The following MAP3K21 variants were observed in gnomAD, a reference collection of about 807,000 sequenced individuals.
MAP3K21 encodes the protein mitogen-activated protein kinase kinase kinase MLK4.
In MAP3K21, 63 loss-of-function variants were observed where a neutral mutation model predicts 86.1. The ratio of observed to expected loss-of-function variants is 0.73; its 90% CI spans 0.60 to 0.90. The LOEUF (loss-of-function observed/expected upper bound fraction) is 0.90, where lower values mean the gene tolerates loss of function less well. Among genes scored for constraint, MAP3K21 ranks in the 40% least tolerant of loss-of-function variants. MAP3K21 has a pLI of 0.00. For synonymous variants in MAP3K21, 558 were observed against 564.8 expected (o/e 0.99, Z 0.17); for missense variants, 1,220 against 1,367.7 (o/e 0.89, Z 1.70).
intron 2 of MAP3K21, among the ~76,000 whole-genome samples, chr1:233,351,636 G>T (rs1208348579): frequency 6.6e-6 from 1 of 151,066 alleles, no homozygotes; most frequent in Non-Finnish European, 1.5e-5. Context: ...GGCGGAGGTT[G>T]CAGTGAGCTG....
intron 2 of MAP3K21, among the ~76,000 whole-genome samples, chr1:233,349,975 A>G (rs116482568): frequency 0.015 from 2,210 of 151,876 alleles, 56 homozygotes; most frequent in African/African-American, 0.049. Flanking sequence ...AAATACAGAA[A>G]TGGTCCTCTG....
chr1:233,343,542 AG>A (rs1292134137), intron 1 of MAP3K21, among the ~76,000 whole-genome samples: 3 of 152,220 alleles, frequency 2.0e-5, no homozygotes, highest in Non-Finnish European at 4.4e-5. Flanking sequence ...GGAAATCAAA[AG>A]GGAGGAGAAT....
In MAP3K21 at chr1:233,327,921, T is replaced by C. The variant is rs964154907; in HGVS notation, c.-108T>C. The C allele has an allele frequency of 7.4e-5, 66 of 890,336 alleles. No individual in the cohort carries two copies. In the East Asian group the frequency reaches 2.3e-3, roughly 31 times the overall value. 55.2% of individuals were successfully genotyped at this position (890,336 alleles called of 1,614,324 possible). On this transcript the variant is annotated 5_prime_UTR_variant, in exon 1 of 10. Coordinates refer to ENST00000366624, the MANE Select transcript of MAP3K21 (RefSeq NM_032435.3). ...GTCACCGATCGCGATTCCTACCCCCTCGCCTTCCCCCGGCGCCGACGGCCA... is the reference window on the plus strand; with the variant it reads ...GTCACCGATCGCGATTCCTACCCCCCCGCCTTCCCCCGGCGCCGACGGCCA...
chr1:233,382,441 T>A lies in MAP3K21; in HGVS notation c.2841T>A (p.Pro947=), dbSNP rs759205713. The A allele has an allele frequency of 3.3e-5, 54 of 1,614,014 alleles. No homozygotes were observed. The highest frequency in any genetic ancestry group is 4.1e-5 in the Non-Finnish European group (48 of 1,180,026). The change falls in exon 10 of 10, where the codon CCT becomes CCA. Residue 947 remains proline, a synonymous_variant. Transcript: ENST00000366624. The part of the protein sequence containing the change: ...STVHIVPQRR[P]ASLRSRSDLP... ...TCCACATCGTGCCTCAGCGTCGCCC[T>A]GCCTCCCTGAGAAGCCGCTCAGATC...
intron 4 of MAP3K21, among the ~76,000 whole-genome samples, chr1:233,356,860 C>T (rs1227100018): frequency 6.6e-6 from 1 of 152,150 alleles, no homozygotes; most frequent in Non-Finnish European, 1.5e-5. Context: ...TTGATAGAAA[C>T]AGTTAAGTTC....
chr1:233,345,155 A>G (rs554416169), intron 1 of MAP3K21, among the ~76,000 whole-genome samples: 1 of 152,344 alleles, frequency 6.6e-6, no homozygotes, highest in South Asian at 2.1e-4. Context: ...TGGTTCAACC[A>G]TTGTGGAAGA....
At chr1:233,335,486 C>T (rs1662894532) in intron 1 of MAP3K21, among the ~76,000 whole-genome samples, 1 of 151,882 alleles carries the variant, frequency 6.6e-6, no homozygotes, top group African/African-American at 2.4e-5. Flanking sequence ...ATTTATTTGT[C>T]ACTACAACCT....
rs763094656 is a variant in MAP3K21, at chr1:233,379,487, C to T, written c.2481C>T (p.Val827=). ...ATCCACTGGTGGACAGTGCACCTGTCACTTGTGACTCTGAGATGCTCACTC... is the reference window on the plus strand; with the variant it reads ...ATCCACTGGTGGACAGTGCACCTGTTACTTGTGACTCTGAGATGCTCACTC... ...SEDPLVDSAP[V]TCDSEMLTPD... Residue 827 remains valine, a synonymous_variant, in exon 9 of 10, where the codon GTC becomes GTT. Coordinates refer to ENST00000366624, the MANE Select transcript of MAP3K21 (RefSeq NM_032435.3). 6.2e-7 allele frequency: 1 copy of T among 1,614,196 alleles called. No homozygotes were observed. The highest frequency in any genetic ancestry group is 1.1e-5 in the South Asian group (1 of 91,082).
chr1:233,330,627 A>G (rs1345089176), intron 1 of MAP3K21, among the ~76,000 whole-genome samples: 1 of 152,188 alleles, frequency 6.6e-6, no homozygotes, highest in East Asian at 1.9e-4. Context: ...GCCTCTTGGC[A>G]GTTGCAGCAA....
At chr1:233,374,071 A>G (rs1358933157) in intron 6 of MAP3K21, 1 of 152,222 alleles carries the variant, frequency 6.6e-6, no homozygotes. Context: ...CACTTAAATG[A>G]AAACTGCTGA....
intron 1 of MAP3K21, among the ~76,000 whole-genome samples, chr1:233,344,550 T>C (rs10910130): frequency 0.43 from 65,366 of 151,922 alleles, 15,295 homozygotes; most frequent in East Asian, 0.57. Flanking sequence ...GAAACTGGAT[T>C]CCTTCCTTAC....
intron 1 of MAP3K21, among the ~76,000 whole-genome samples, chr1:233,340,205 C>T (rs1431632849): frequency 6.6e-6 from 1 of 152,132 alleles, no homozygotes; most frequent in East Asian, 1.9e-4. Flanking sequence ...AATATTGGAG[C>T]AGGAAGTGTC....
chr1:233,367,878 A>ATGTTTTCT (rs1663609367), intron 5 of MAP3K21, among the ~76,000 whole-genome samples: 1 of 151,354 alleles, frequency 6.6e-6, no homozygotes, highest in Non-Finnish European at 1.5e-5. Flanking sequence ...AAAAAAAAGA[A>ATGTTTTCT]TGTTTTCTTT....
At chr1:233,361,851 C>T (rs910245576) in intron 4 of MAP3K21, among the ~76,000 whole-genome samples, 4 of 152,164 alleles carry the variant, frequency 2.6e-5, no homozygotes, top group Admixed American at 1.3e-4. Context: ...GAAAAGGTTT[C>T]GGCTTGGATT....
chr1:233,328,063 C>T lies in MAP3K21; in HGVS notation c.35C>T (p.Thr12Ile). ...CGGGGCGCCGCGGGAGCGACCGACA[C>T]CCCGGTGTCCTCGGCCGGGGGAGCC... The part of the protein sequence containing the change: ...ALRGAAGATD[T>I]PVSSAGGAPG... The change falls in exon 1 of 10, where the codon ACC becomes ATC. Residue 12 changes from threonine to isoleucine, a missense_variant. By Grantham distance (89) the Thr-to-Ile change is moderately conservative. Around this residue, in one of 5 missense-constraint regions of MAP3K21, gnomAD observed 369 missense variants for 385.3 expected, o/e 0.96. Transcript: ENST00000366624. This position sits in a 1 kb window ranked among gnomAD's most constrained non-coding sequence, Gnocchi z 8.7. 2.2e-6 allele frequency: 3 copies of T among 1,339,926 alleles called. No homozygotes were observed. The highest frequency in any genetic ancestry group is 2.9e-6 in the Non-Finnish European group (3 of 1,052,424). 83.0% of individuals were successfully genotyped at this position (1,339,926 alleles called of 1,614,324 possible).
At chr1:233,363,031 C>T (rs1325547544) in intron 5 of MAP3K21, among the ~76,000 whole-genome samples, 1 of 152,046 alleles carries the variant, frequency 6.6e-6, no homozygotes, top group Non-Finnish European at 1.5e-5. Context: ...ATTATATATT[C>T]TACTTGTTGT....
rs183276270 is a variant in MAP3K21, at chr1:233,342,799, C to T, written c.806-3643C>T. ...TGATTTCCTTCCTCCCTGCCTCTCT[C>T]ACCCTCCTTTTCTCCATCCCTCCCC... On this transcript the variant is annotated intron_variant, in intron 1 of 9. Transcript: ENST00000366624. Among the ~76,000 whole-genome samples the T allele has an allele frequency of 4.8e-3, 733 of 152,024 alleles. 5 individuals are homozygous for T. The highest frequency in any genetic ancestry group is 6.7e-3 in the Non-Finnish European group (458 of 68,026).
At chr1:233,349,086 G>T (rs1663200569) in intron 2 of MAP3K21, among the ~76,000 whole-genome samples, 1 of 152,160 alleles carries the variant, frequency 6.6e-6, no homozygotes, top group Non-Finnish European at 1.5e-5. Context: ...GGGTTCTATA[G>T]TGTCTTAGGG....
intron 5 of MAP3K21, among the ~76,000 whole-genome samples, chr1:233,367,912 T>G (rs183932758): frequency 2.0e-5 from 3 of 152,184 alleles, no homozygotes; most frequent in African/African-American, 7.2e-5. Flanking sequence ...AAAGTATGCT[T>G]TTCAAGTGGA....
Sources: gnomAD v4.1 joint callset for allele counts (sites outside exome capture counted in the v4.1 genomes callset) on GRCh38, gnomAD v4.1.1 for gene constraint, gnomAD v4.1.1 regional missense constraint, Gnocchi (gnomAD v3.1) non-coding constraint, MANE v1.5 for transcripts, NCBI Gene and HGNC (gene_info 2026-07-23, HGNC 2026-07-21) for gene names.